The following PC variants were observed in gnomAD, a reference collection of about 807,000 sequenced individuals.
The protein encoded by PC is pyruvate carboxylase, mitochondrial.
Under a neutral mutation model 107.8 loss-of-function variants are expected in PC, and 46 were observed. The observed-to-expected ratio is 0.43, with a 90% CI of 0.34 to 0.55. The LOEUF (loss-of-function observed/expected upper bound fraction) is 0.55, where lower values mean the gene tolerates loss of function less well. Ranked by LOEUF, PC falls within the 20% of genes least tolerant of loss-of-function variation. The pLI, the probability that PC is intolerant of heterozygous loss-of-function variation, is 0.04. For synonymous variants in PC, 662 were observed against 684.7 expected (o/e 0.97, Z 0.52); for missense variants, 1,241 against 1,643.1 (o/e 0.76, Z 4.23).
intron 3 of PC, among the ~76,000 whole-genome samples, chr11:66,878,199 A>C (rs553029190): frequency 2.0e-5 from 3 of 152,104 alleles, no homozygotes; most frequent in African/African-American, 7.2e-5. Context: ...GCAGCAGCCC[A>C]CTGGCACCGA....
At position 66,871,766 on chromosome 11, in the gene PC, T is replaced by C; in HGVS notation, c.242A>G (p.Asp81Gly). ...GCCGCGGCCGATGAGATAGGCTTCA[T>C]CTGCTTTCTGCCGGTGCATCTGGCC... ...DTGQMHRQKA[D>G]EAYLIGRGLA... Residue 81 changes from aspartate to glycine, a missense_variant, in exon 5 of 23, where the codon GAT becomes GGT. By Grantham distance (94) the Asp-to-Gly change is moderately conservative (BLOSUM62 -1). Transcript: ENST00000393960. This position sits in a 1 kb window ranked among gnomAD's most constrained non-coding sequence, Gnocchi z 7.4. The C allele has an allele frequency of 6.2e-7, 1 of 1,600,214 alleles. No homozygotes were observed. Among genetic ancestry groups the C allele is most frequent in the Non-Finnish European group, 8.5e-7 (1 of 1,174,214 alleles).
chr11:66,955,796 G>T (rs1335401667), intron 1 of PC, among the ~76,000 whole-genome samples: 1 of 143,466 alleles, frequency 7.0e-6, no homozygotes, highest in Non-Finnish European at 1.5e-5. Flanking sequence ...TTTTTGACAG[G>T]GAGTTTCATG....
rs543271274 is a variant in PC, at chr11:66,942,242, C to A, written c.-1+10188G>T. On this transcript the variant is annotated intron_variant, in intron 3 of 22. Coordinates refer to ENST00000393960, the MANE Select transcript of PC (RefSeq NM_001040716.2). ...TGAAACCCCGTCTCTACTAAATATA[C>A]AAAAAAAATTAGCTGGGCATGGTGG... is the stretch of plus-strand genomic sequence containing the variant. 8.8e-3 allele frequency among the ~76,000 whole-genome samples: 1,285 copies of A among 146,626 alleles called. 13 individuals are homozygous for A. Among genetic ancestry groups the A allele is most frequent in the Middle Eastern group, 0.014 (4 of 280 alleles).
chr11:66,917,206 G>A (rs1948482193), intron 3 of PC, among the ~76,000 whole-genome samples: 1 of 151,814 alleles, frequency 6.6e-6, no homozygotes, highest in South Asian at 2.1e-4. Context: ...TGAGTAGCTG[G>A]GATTACAGGG....
intron 3 of PC, among the ~76,000 whole-genome samples, chr11:66,885,481 T>A (rs1238203685): frequency 1.6e-5 from 2 of 122,520 alleles, no homozygotes; most frequent in Non-Finnish European, 3.2e-5. Context: ...ACAGTGAGAC[T>A]CTGTCTAAAA....
chr11:66,894,717 G>T (rs118149051), intron 3 of PC, among the ~76,000 whole-genome samples: 2 of 152,158 alleles, frequency 1.3e-5, no homozygotes, highest in South Asian at 4.1e-4. Flanking sequence ...AGGGCAGGCT[G>T]AAAGCTTTCA....
rs533033573 is a variant in PC, at chr11:66,885,226, C to T, written c.1-13067G>A. 3.9e-5 allele frequency among the ~76,000 whole-genome samples: 6 copies of T among 152,268 alleles called. No individual in the cohort carries two copies. The South Asian group carries it at 8.3e-4, about 21-fold the overall frequency. On this transcript the variant is annotated intron_variant, in intron 3 of 22. Coordinates refer to ENST00000393960, the MANE Select transcript of PC (RefSeq NM_001040716.2). ...TATTTGGGCCAGGCGCGATGGCTCA[C>T]GCCTGTAATCCCAGCACTTTCGGAG...
chr11:66,949,301 A>T (rs1186695025), intron 3 of PC, among the ~76,000 whole-genome samples: 1 of 151,888 alleles, frequency 6.6e-6, no homozygotes, highest in Non-Finnish European at 1.5e-5. Context: ...CGGCCAGAAG[A>T]ATTATTAAAA....
At chr11:66,849,440 A>G in intron 21 of PC, 70 bp from the exon 22 acceptor site, 1 of 1,607,772 alleles carries the variant, frequency 6.2e-7, no homozygotes, top group East Asian at 2.2e-5. Flanking sequence ...CCCTGGCCAT[A>G]GGAAGTCCCC....
Position 66,857,776 on chromosome 11 carries a change from C to T in PC, c.1369-4393G>A, listed in dbSNP as rs775377555. On this transcript the variant is annotated intron_variant, in intron 12 of 22. Transcript: ENST00000393960. The surrounding 1 kb of genome is among the most constrained non-coding windows in gnomAD (Gnocchi z 7.1). The stretch of plus-strand genomic sequence containing the variant: ...CCGCCGCTCCTGCTGCTGCTGCTGG[C>T]CAGTGGAGCGGCCGCCTGCCCGCTG... 5 of 1,595,748 alleles carry T rather than the reference C, an allele frequency of 3.1e-6. No individual in the cohort carries two copies. Among genetic ancestry groups the T allele is most frequent in the South Asian group, 1.1e-5 (1 of 90,934 alleles).
At chr11:66,903,476 A>G (rs1948031459) in intron 3 of PC, among the ~76,000 whole-genome samples, 1 of 151,514 alleles carries the variant, frequency 6.6e-6, no homozygotes, top group Non-Finnish European at 1.5e-5. Flanking sequence ...GTGGTGGCTC[A>G]CGCCTGTAAT....
chr11:66,890,742 C>T (rs1355400097), intron 3 of PC, among the ~76,000 whole-genome samples: 4 of 151,900 alleles, frequency 2.6e-5, no homozygotes, highest in African/African-American at 7.3e-5. Flanking sequence ...CAACCTCAGG[C>T]GATCCACCCA....
chr11:66,857,041 G>A lies in PC; in HGVS notation c.1369-3658C>T, dbSNP rs982686269. 4.8e-5 allele frequency: 7 copies of A among 146,760 alleles called. No individual in the cohort carries two copies. Among genetic ancestry groups the A allele is most frequent in the Non-Finnish European group, 1.1e-4 (7 of 65,942 alleles). 9.1% of individuals were successfully genotyped at this position (146,760 alleles called of 1,614,324 possible). A position where few individuals can be genotyped will look rare whatever the true frequency, so the allele number is the denominator to read the frequency against. ...GCCCCTCCCCGTCCGCCCTCCACGT[G>A]CGTGTCCGCGGCGCGCGCGCCCGCC... is the stretch of plus-strand genomic sequence containing the variant. On this transcript the variant is annotated intron_variant, in intron 12 of 22. Transcript: ENST00000393960. This position sits in a 1 kb window ranked among gnomAD's most constrained non-coding sequence, Gnocchi z 7.1.
chr11:66,940,485 CA>C (rs1217065603), intron 3 of PC, among the ~76,000 whole-genome samples: 1 of 151,614 alleles, frequency 6.6e-6, no homozygotes, highest in Non-Finnish European at 1.5e-5. Context: ...CTCAGGAGTT[CA>C]AGACCAGCCT....
intron 12 of PC, among the ~76,000 whole-genome samples, chr11:66,859,453 C>T (rs905125921): frequency 2.0e-5 from 3 of 152,222 alleles, no homozygotes; most frequent in South Asian, 4.1e-4. Context: ...TTGCCTGCGT[C>T]CTGTGCCAGT....
intron 3 of PC, among the ~76,000 whole-genome samples, chr11:66,873,351 T>C (rs1157428284): frequency 8.8e-6 from 1 of 114,236 alleles, no homozygotes; most frequent in African/African-American, 3.3e-5. Context: ...AAAATATATA[T>C]ATATTATATA....
At position 66,858,152 on chromosome 11, in the gene PC, G is replaced by T; in HGVS notation, c.1369-4769C>A. 6.2e-7 allele frequency: 1 copy of T among 1,610,688 alleles called. No homozygotes were observed. Among genetic ancestry groups the T allele is most frequent in the Non-Finnish European group, 8.5e-7 (1 of 1,178,822 alleles). ...GCGGCAACCAGCTGGGCCGCATCGC[G>T]CCGGGAGCCTTCGACGACTTCCTAG... On this transcript the variant is annotated intron_variant, in intron 12 of 22. Transcript: ENST00000393960. The surrounding 1 kb of genome is among the most constrained non-coding windows in gnomAD (Gnocchi z 5.9).
Position 66,857,620 on chromosome 11 carries a change from G to A in PC, c.1369-4237C>T. ...TCTCTGGCGGCCCTCTTGGGCCTCT[G>A]ACCCAGCCCCTCCCCGGGCCAGGCT... is the stretch of plus-strand genomic sequence containing the variant. On this transcript the variant is annotated intron_variant, in intron 12 of 22. Coordinates refer to ENST00000393960, the MANE Select transcript of PC (RefSeq NM_001040716.2). This position sits in a 1 kb window ranked among gnomAD's most constrained non-coding sequence, Gnocchi z 7.1. 1 of 1,138,390 alleles carries A rather than the reference G, an allele frequency of 8.8e-7. No individual in the cohort carries two copies. The highest frequency in any genetic ancestry group is 1.6e-5 in the South Asian group (1 of 61,542). The allele number at this position is 1,138,390 out of a possible 1,614,324, so 70.5% of individuals were successfully genotyped here. A position where few individuals can be genotyped will look rare whatever the true frequency, so the allele number is the denominator to read the frequency against.
At position 66,872,284 on chromosome 11, in the gene PC, G is replaced by A. The variant is rs1946769102; in HGVS notation, c.1-125C>T. 5 of 1,097,308 alleles carry A rather than the reference G, an allele frequency of 4.6e-6. No individual in the cohort carries two copies. In the Admixed American group the frequency reaches 6.0e-5, roughly 13 times the overall value. 68.0% of individuals were successfully genotyped at this position (1,097,308 alleles called of 1,614,324 possible). A position where few individuals can be genotyped will look rare whatever the true frequency, so the allele number is the denominator to read the frequency against. ...AGGCTAGCACCATCTACCTCCTGAT[G>A]CCTGGCCAAGCCCAACATTTCCTGG... On this transcript the variant is annotated intron_variant, in intron 3 of 22. Coordinates refer to ENST00000393960, the MANE Select transcript of PC (RefSeq NM_001040716.2).
Sources: allele counts gnomAD v4.1 joint callset (sites outside exome capture counted in the v4.1 genomes callset), GRCh38; gene constraint gnomAD v4.1.1; non-coding constraint Gnocchi (gnomAD v3.1); transcripts MANE v1.5; gene names NCBI Gene and HGNC (gene_info 2026-07-23, HGNC 2026-07-21).